TTC28: variants seen among roughly 807,000 people sequenced by gnomAD.
TTC28 encodes tetratricopeptide repeat protein 28.
A neutral mutation model predicts 198.0 loss-of-function variants in TTC28; 61 were observed. The ratio of observed to expected loss-of-function variants is 0.31; its 90% confidence interval spans 0.25 to 0.38. The LOEUF is 0.38. TTC28 is among the 10% of genes least tolerant of loss of function. The probability of loss-of-function intolerance (pLI) is 1.00; values close to 1 mark genes in which losing one functional copy is unlikely to be tolerated. For synonymous variants in TTC28, 1,171 were observed against 1,297.8 expected, an observed-to-expected ratio of 0.90 and a Z score of 2.10; for missense variants, 2,678 against 3,164.0, an observed-to-expected ratio of 0.85 and a Z score of 3.69.
At chr22:28,284,528 A>G (rs1041258495) in intron 5 of TTC28, among the ~76,000 whole-genome samples, 1 of 152,190 alleles carries the variant, frequency 6.6e-6, no homozygotes, top group African/African-American at 2.4e-5. Context: ...GGACTACATC[A>G]AACAAAAAGC....
chr22:28,104,053 G>C (rs1288236499), intron 8 of TTC28, among the ~76,000 whole-genome samples: 4 of 152,214 alleles, frequency 2.6e-5, no homozygotes, highest in African/African-American at 9.6e-5. Context: ...CTGCAGGCCA[G>C]TGCAGTCCCT....
chr22:28,218,988 G>A (rs778995446), intron 5 of TTC28, among the ~76,000 whole-genome samples: 6 of 151,692 alleles, frequency 4.0e-5, no homozygotes, highest in Non-Finnish European at 7.4e-5. Flanking sequence ...TAATATCTTA[G>A]TATTATTATG....
chr22:28,250,092 C>T lies in TTC28; in HGVS notation c.933+46106G>A, dbSNP rs1338456293. Among the ~76,000 whole-genome samples the T allele has an allele frequency of 2.6e-5, 4 of 152,262 alleles. No individual in the cohort carries two copies. The South Asian group carries it at 6.2e-4, about 24-fold the overall frequency. On this transcript the variant is annotated intron_variant, in intron 5 of 22. Transcript: ENST00000397906. ...CAGTCCCAGGACAGTCATGGAGATACATAAACCATTTTCAATATTTCAAAA... is the reference window on the plus strand; with the variant it reads ...CAGTCCCAGGACAGTCATGGAGATATATAAACCATTTTCAATATTTCAAAA...
At chr22:28,136,671 G>A (rs1252349411) in intron 6 of TTC28, among the ~76,000 whole-genome samples, 1 of 152,186 alleles carries the variant, frequency 6.6e-6, no homozygotes, top group Non-Finnish European at 1.5e-5. Context: ...GAATTAGTCA[G>A]GGAAGGAGAG....
At chr22:28,243,378 AAAC>A (rs979773303) in intron 5 of TTC28, among the ~76,000 whole-genome samples, 3 of 150,918 alleles carry the variant, frequency 2.0e-5, no homozygotes, top group African/African-American at 7.3e-5. Context: ...AAACAAAACA[AAAC>A]AAAAAAACCT....
At chr22:28,037,454 G>C (rs540341440) in intron 12 of TTC28, among the ~76,000 whole-genome samples, 75 of 152,024 alleles carry the variant, frequency 4.9e-4, no homozygotes, top group Non-Finnish European at 9.1e-4. Flanking sequence ...AAGGCCTTTG[G>C]CAAAATTCAA....
At chr22:28,490,209 C>T (rs1421160488) in intron 2 of TTC28, among the ~76,000 whole-genome samples, 2 of 152,218 alleles carry the variant, frequency 1.3e-5, no homozygotes, top group African/African-American at 4.8e-5. Context: ...AAGATCAATA[C>T]TTCACATCCT....
chr22:28,388,825 C>G (rs1014526367), intron 2 of TTC28, among the ~76,000 whole-genome samples: 1 of 152,152 alleles, frequency 6.6e-6, no homozygotes, highest in Non-Finnish European at 1.5e-5. Context: ...TAATTCAATA[C>G]CCTTTATTTC....
At chr22:28,206,899 T>C (rs752409407) in intron 5 of TTC28, among the ~76,000 whole-genome samples, 19 of 152,128 alleles carry the variant, frequency 1.2e-4, no homozygotes, top group Non-Finnish European at 2.6e-4. Flanking sequence ...GAGAAGTCCG[T>C]ACCTACTCCG....
At chr22:28,385,247 C>A (rs1211952379) in intron 2 of TTC28, among the ~76,000 whole-genome samples, 1 of 132,546 alleles carries the variant, frequency 7.5e-6, no homozygotes, top group African/African-American at 2.8e-5. Context: ...TTTTTTTTTT[C>A]TTTGAGACAG....
At chr22:27,996,738 A>T (rs1937560100) in intron 16 of TTC28, among the ~76,000 whole-genome samples, 1 of 151,912 alleles carries the variant, frequency 6.6e-6, no homozygotes, top group Admixed American at 6.6e-5. Context: ...ACCGCATCCC[A>T]CCGTTCCTTT....
At chr22:28,604,677 G>A (rs2050701926) in intron 2 of TTC28, among the ~76,000 whole-genome samples, 1 of 152,082 alleles carries the variant, frequency 6.6e-6, no homozygotes, top group Admixed American at 6.5e-5. Flanking sequence ...CCGGGAGGCA[G>A]AGGTTGCAGT....
chr22:28,040,096 T>C lies in TTC28; in HGVS notation c.3933-9730A>G, dbSNP rs372348895. Among the ~76,000 whole-genome samples the C allele has an allele frequency of 2.6e-5, 4 of 152,252 alleles. No individual in the cohort carries two copies. The East Asian group carries it at 7.7e-4, about 29-fold the overall frequency. On this transcript the variant is annotated intron_variant, in intron 12 of 22. Coordinates refer to ENST00000397906, the MANE Select transcript of TTC28 (RefSeq NM_001145418.2). ...GTTCTGAAATTGAGGAAATAACCCA[T>C]AGCCTACCAAACAAAAAAAGTCCAG...
intron 2 of TTC28, among the ~76,000 whole-genome samples, chr22:28,553,366 C>T (rs2049725762): frequency 2.6e-5 from 4 of 151,828 alleles, no homozygotes; most frequent in Admixed American, 2.6e-4. Context: ...GCCGACATCC[C>T]ATCTAGGAAG....
chr22:28,603,375 C>CTT (rs538025629), intron 2 of TTC28, among the ~76,000 whole-genome samples: 67 of 146,944 alleles, frequency 4.6e-4, no homozygotes, highest in Non-Finnish European at 9.0e-5. Flanking sequence ...AATTTTCTTT[C>CTT]TTTTTTTTTT....
In TTC28 at chr22:28,169,261, G is replaced by T. The variant is rs528939685; in HGVS notation, c.934-5662C>A. Among the ~76,000 whole-genome samples, 15 of 152,328 alleles carry T rather than the reference G, an allele frequency of 9.8e-5. No homozygotes were observed. In the East Asian group the frequency reaches 2.3e-3, roughly 24 times the overall value. On this transcript the variant is annotated intron_variant, in intron 5 of 22. Transcript: ENST00000397906. ...TAGTTCAACCATTGTGGAAGTCGGTGTGGTGATTCCTCAGGGATCTAGAAC... is the reference window on the plus strand; with the variant it reads ...TAGTTCAACCATTGTGGAAGTCGGTTTGGTGATTCCTCAGGGATCTAGAAC...
chr22:28,065,546 G>A (rs1940716661), intron 12 of TTC28, among the ~76,000 whole-genome samples: 1 of 152,098 alleles, frequency 6.6e-6, no homozygotes. Context: ...AATAATTTAA[G>A]AAAACATGTT....
At chr22:28,450,130 A>G (rs1322413021) in intron 2 of TTC28, among the ~76,000 whole-genome samples, 1 of 152,164 alleles carries the variant, frequency 6.6e-6, no homozygotes, top group Non-Finnish European at 1.5e-5. Context: ...GGATAAATAG[A>G]GCTATAAAGA....
intron 2 of TTC28, among the ~76,000 whole-genome samples, chr22:28,360,431 A>C (rs1031030861): frequency 2.0e-5 from 3 of 152,208 alleles, no homozygotes; most frequent in Non-Finnish European, 2.9e-5. Flanking sequence ...TATTATTTTT[A>C]CACAAATTTA....
Sources: allele counts gnomAD v4.1 joint callset (sites outside exome capture counted in the v4.1 genomes callset), GRCh38; gene constraint gnomAD v4.1.1; transcripts MANE v1.5; gene names NCBI Gene and HGNC (gene_info 2026-07-23, HGNC 2026-07-21).